The following MCTP1 variants were observed in gnomAD, a reference collection of about 807,000 sequenced individuals.
MCTP1 encodes the protein multiple C2 and transmembrane domain-containing protein 1.
A neutral mutation model predicts 120.6 loss-of-function variants in MCTP1; 69 were observed. The ratio of observed to expected loss-of-function variants is 0.57; its 90% CI spans 0.47 to 0.70. MCTP1 has a LOEUF of 0.70. Ranked by LOEUF, MCTP1 falls within the 30% of genes least tolerant of loss-of-function variation. The probability of loss-of-function intolerance (pLI) is 0.00; values close to 1 mark genes in which losing one functional copy is unlikely to be tolerated. For missense variants in MCTP1, 1,203 were observed against 1,248.8 expected, an observed-to-expected ratio of 0.96 and a Z score of 0.55; for synonymous variants, 529 against 493.1, an observed-to-expected ratio of 1.07 and a Z score of -0.96.
chr5:94,850,798 G>T (rs1342942279), intron 17 of MCTP1, among the ~76,000 whole-genome samples: 5 of 151,940 alleles, frequency 3.3e-5, no homozygotes, highest in Non-Finnish European at 7.4e-5. Context: ...ATTCTACATA[G>T]AACTAATACT....
At chr5:94,793,902 C>G (rs1779470955) in intron 18 of MCTP1, among the ~76,000 whole-genome samples, 1 of 152,164 alleles carries the variant, frequency 6.6e-6, no homozygotes, top group Admixed American at 6.5e-5. Flanking sequence ...CTCTTAGGAG[C>G]TTTATTTGTA....
At chr5:94,962,404 T>A (rs2153559829) in intron 2 of MCTP1, among the ~76,000 whole-genome samples, 1 of 151,240 alleles carries the variant, frequency 6.6e-6, no homozygotes, top group African/African-American at 2.4e-5. Context: ...CAAATGGCCA[T>A]CAATCAACAA....
chr5:95,006,743 T>C (rs1834840149), intron 2 of MCTP1, among the ~76,000 whole-genome samples: 1 of 152,208 alleles, frequency 6.6e-6, no homozygotes, highest in African/African-American at 2.4e-5. Flanking sequence ...ATGATACAAG[T>C]TGCATTTTCC....
chr5:94,854,702 C>G (rs147900109), intron 17 of MCTP1, among the ~76,000 whole-genome samples: 17 of 151,950 alleles, frequency 1.1e-4, no homozygotes, highest in African/African-American at 3.9e-4. Flanking sequence ...GGAGGCTCAT[C>G]AGGGTAAGTA....
intron 17 of MCTP1, among the ~76,000 whole-genome samples, chr5:94,829,188 A>C (rs2153147920): frequency 1.3e-5 from 2 of 152,278 alleles, no homozygotes; most frequent in Middle Eastern, 6.8e-3. Flanking sequence ...TCCTCACGGC[A>C]TGGTCCCTCA....
At chr5:94,773,428 T>C (rs1359197091) in intron 19 of MCTP1, among the ~76,000 whole-genome samples, 1 of 152,126 alleles carries the variant, frequency 6.6e-6, no homozygotes, top group Middle Eastern at 3.2e-3. Flanking sequence ...CTCTAGAGCA[T>C]GGGTGGGTCT....
intron 1 of MCTP1, among the ~76,000 whole-genome samples, chr5:95,068,123 T>C (rs1296319479): frequency 1.3e-5 from 2 of 152,248 alleles, no homozygotes; most frequent in East Asian, 3.8e-4. Flanking sequence ...TTTATCATTA[T>C]CCTATTTAAA....
At chr5:95,209,599 G>A (rs1047423459) in intron 1 of MCTP1, among the ~76,000 whole-genome samples, 1 of 152,036 alleles carries the variant, frequency 6.6e-6, no homozygotes, top group African/African-American at 2.4e-5. Context: ...TCCCCTAAAA[G>A]TCTATTTGCC....
chr5:94,893,833 C>G (rs1235109451), intron 11 of MCTP1, among the ~76,000 whole-genome samples: 2 of 152,172 alleles, frequency 1.3e-5, no homozygotes, highest in Non-Finnish European at 2.9e-5. Context: ...TTCTAAACAC[C>G]TGGCGGCACT....
At chr5:94,881,602 G>GGTGT (rs547990382) in intron 12 of MCTP1, among the ~76,000 whole-genome samples, 4 of 151,224 alleles carry the variant, frequency 2.6e-5, no homozygotes, top group South Asian at 2.1e-4. Flanking sequence ...TTTACAAGCT[G>GGTGT]GTGTGTGTGT....
rs143626719 is a variant in MCTP1, at chr5:95,281,688, C to T, written c.720+2168G>A. Among the ~76,000 whole-genome samples the T allele has an allele frequency of 5.8e-3, 890 of 152,312 alleles. 10 individuals are homozygous for T. The highest frequency in any genetic ancestry group is 0.029 in the South Asian group (140 of 4,830). On this transcript the variant is annotated intron_variant, in intron 1 of 22. Transcript: ENST00000515393. Reference sequence around the variant, plus strand: ...TTATGTCTATGTCGAAATGCTGATTCTCTATAATGAAAAGCTTCTTCAGAG... The same window carrying T: ...TTATGTCTATGTCGAAATGCTGATTTTCTATAATGAAAAGCTTCTTCAGAG...
At chr5:95,017,536 T>TTCTCTACAGGGGGACCA in intron 1 of MCTP1, 52 bp from the exon 2 acceptor site, 1 of 1,164,154 alleles carries the variant, frequency 8.6e-7, no homozygotes, top group Non-Finnish European at 1.2e-6. Context: ...CTGTTCTATT[T>TTCTCTACAGGGGGACCA]TCTCTAAAGG....
chr5:94,842,286 A>G (rs112881617), intron 17 of MCTP1, among the ~76,000 whole-genome samples: 133 of 152,334 alleles, frequency 8.7e-4, no homozygotes, highest in Non-Finnish European at 1.5e-3. Context: ...TTGAGAGACT[A>G]TTAGTATTCC....
intron 17 of MCTP1, among the ~76,000 whole-genome samples, chr5:94,835,786 C>G (rs552086081): frequency 6.6e-6 from 1 of 152,220 alleles, no homozygotes; most frequent in Admixed American, 6.5e-5. Context: ...ATGCAGATCA[C>G]GAGGTCAGGA....
intron 2 of MCTP1, among the ~76,000 whole-genome samples, chr5:95,011,076 G>C (rs1297127477): frequency 1.3e-5 from 2 of 152,098 alleles, no homozygotes; most frequent in African/African-American, 4.8e-5. Context: ...TTCTGACTTT[G>C]ACCACCTGGT....
chr5:94,746,620 A>G (rs1314410522), intron 19 of MCTP1, among the ~76,000 whole-genome samples: 1 of 152,256 alleles, frequency 6.6e-6, no homozygotes, highest in Non-Finnish European at 1.5e-5. Context: ...TTTATAATGT[A>G]ATAGTGCAGA....
chr5:95,156,980 A>C (rs1745197695), intron 1 of MCTP1, among the ~76,000 whole-genome samples: 1 of 152,196 alleles, frequency 6.6e-6, no homozygotes. Flanking sequence ...CTTGCTAAGA[A>C]ATGTGATTTG....
intron 11 of MCTP1, among the ~76,000 whole-genome samples, chr5:94,893,246 C>T (rs1803094712): frequency 6.6e-6 from 1 of 152,164 alleles, no homozygotes; most frequent in Admixed American, 6.5e-5. Context: ...ACTTAGGCAG[C>T]AGTATCCCTT....
chr5:95,206,718 A>C (rs1751663391), intron 1 of MCTP1, among the ~76,000 whole-genome samples: 2 of 152,036 alleles, frequency 1.3e-5, no homozygotes, highest in South Asian at 4.2e-4. Context: ...TTGTATTTTT[A>C]GTAGAGACAG....
Sources: gnomAD v4.1 joint callset for allele counts (sites outside exome capture counted in the v4.1 genomes callset) on GRCh38, gnomAD v4.1.1 for gene constraint, MANE v1.5 for transcripts, NCBI Gene and HGNC (gene_info 2026-07-23, HGNC 2026-07-21) for gene names.